The following IFIH1 variants were observed in gnomAD, a reference collection of about 807,000 sequenced individuals.
IFIH1 encodes the protein interferon-induced helicase C domain-containing protein 1.
IFIH1 carries 125 observed loss-of-function variants against 107.4 expected under a neutral mutation model. The ratio of observed to expected loss-of-function variants is 1.16; its 90% confidence interval spans 1.01 to 1.35. The LOEUF (loss-of-function observed/expected upper bound fraction) is 1.35, where lower values mean the gene tolerates loss of function less well. IFIH1 is among the 40% of genes most tolerant of loss of function. IFIH1 has a pLI of 0.00. For missense variants in IFIH1, 1,333 were observed against 1,213.7 expected, an observed-to-expected ratio of 1.10 and a Z score of -1.46; for synonymous variants, 458 against 413.2, an observed-to-expected ratio of 1.11 and a Z score of -1.31.
chr2:162,293,010 T>C (rs1044712664), intron 4 of IFIH1, among the ~76,000 whole-genome samples: 1 of 151,866 alleles, frequency 6.6e-6, no homozygotes, highest in Non-Finnish European at 1.5e-5. Context: ...TGGTGGAATA[T>C]ACAACTGATA....
At position 162,306,823 on chromosome 2, in the gene IFIH1, G is replaced by A. The variant is rs1683289940; in HGVS notation, c.655C>T (p.Gln219Ter). 1 of 1,613,918 alleles carries A rather than the reference G, an allele frequency of 6.2e-7. No individual in the cohort carries two copies. The part of the protein sequence containing the change: ...IENLSQVDGP[Q>*]VEEQLLSTTV... ...GTTGAAAGAAGTTGCTCTTCCACTTGAGGACCATCAACTTGTGATAAATTC... is the reference window on the plus strand; with the variant it reads ...GTTGAAAGAAGTTGCTCTTCCACTTAAGGACCATCAACTTGTGATAAATTC... Residue 219 changes from glutamine (Q) to a stop codon, truncating the protein, a stop_gained, in exon 3 of 16, where the codon CAA becomes TAA. Transcript: ENST00000649979. LOFTEE classifies it high-confidence loss of function.
At chr2:162,275,376 A>G (rs569096732) in intron 11 of IFIH1, among the ~76,000 whole-genome samples, 56 of 152,278 alleles carry the variant, frequency 3.7e-4, no homozygotes, top group Non-Finnish European at 7.5e-4. Context: ...TAAAAACAGA[A>G]CTCATAAGAA....
At chr2:162,305,138 C>G (rs936489886) in intron 3 of IFIH1, among the ~76,000 whole-genome samples, 3 of 152,122 alleles carry the variant, frequency 2.0e-5, no homozygotes, top group African/African-American at 7.2e-5. Context: ...TATACACATT[C>G]AGGTATGTAA....
In IFIH1 at chr2:162,288,255, G is replaced by A. The variant is rs2105209011; in HGVS notation, c.975C>T (p.Ile325=). 7 of 1,612,742 alleles carry A rather than the reference G, an allele frequency of 4.3e-6. No homozygotes were observed. The highest frequency in any genetic ancestry group is 4.0e-5 in the African/African-American group (3 of 74,906). ...VAQPALEGKN[I]IICLPTGSGK... ...CACTCCCTGTAGGGAGGCAGATGAT[G>A]ATATTCTTCCCTTCCAAGGCTGGCT... is the stretch of plus-strand genomic sequence containing the variant. Residue 325 remains isoleucine, a synonymous_variant, in exon 5 of 16, where the codon ATC becomes ATT. Transcript: ENST00000649979.
chr2:162,275,361 AAATTTAAAAACAGAACTCATAAG>A (rs1691131549), intron 11 of IFIH1, among the ~76,000 whole-genome samples: 2 of 152,180 alleles, frequency 1.3e-5, no homozygotes, highest in Non-Finnish European at 2.9e-5. Context: ...AATATAATAG[AAATTTAAAAACAGAACTCATAAG>A]AATCAACACA....
At chr2:162,297,721 T>A (rs1683118265) in intron 3 of IFIH1, among the ~76,000 whole-genome samples, 1 of 152,082 alleles carries the variant, frequency 6.6e-6, no homozygotes, top group African/African-American at 2.4e-5. Context: ...ATTGAACTGT[T>A]AAAGAAAAGC....
In IFIH1 at chr2:162,277,496, C is replaced by T; in HGVS notation, c.1963G>A (p.Asp655Asn). The change falls in exon 10 of 16, where the codon GAT (aspartate) becomes AAT (asparagine). Residue 655 changes from aspartate to asparagine, a missense_variant. By Grantham distance (23) the Asp-to-Asn change is conservative. Transcript: ENST00000649979. ...SDEGGDDEYC[D>N]GDEDEDDLKK... is the part of the protein sequence containing the mutation. ...AAATCATCCTCATCTTCATCACCAT[C>T]ACAATACTCATCATCACCACCCTCA... The T allele has an allele frequency of 1.3e-6, 2 of 1,590,014 alleles. No homozygotes were observed. Among genetic ancestry groups the T allele is most frequent in the Non-Finnish European group, 1.7e-6 (2 of 1,158,672 alleles).
rs774768455 is a variant in IFIH1, at chr2:162,281,381, G to A, written c.1471C>T (p.Pro491Ser). ...LPQILGLTAS[P>S]GVGGATKQAK... ...TGCTTCGTGGCCCCTCCAACACCAG[G>A]TGAAGCTGTTAGTCCCAGTATCTGA... is the stretch of plus-strand genomic sequence containing the variant. The change falls in exon 7 of 16, where the codon CCT becomes TCT. Residue 491 changes from proline (P) to serine (S), a missense_variant. Coordinates refer to ENST00000649979, the MANE Select transcript of IFIH1 (RefSeq NM_022168.4). 1 of 1,612,774 alleles carries A rather than the reference G, an allele frequency of 6.2e-7. No individual in the cohort carries two copies. The highest frequency in any genetic ancestry group is 8.5e-7 in the Non-Finnish European group (1 of 1,179,172).
intron 14 of IFIH1, 111 bp downstream of exon 14, chr2:162,267,976 G>A (rs1690958167): frequency 1.2e-5 from 8 of 682,236 alleles, no homozygotes; most frequent in South Asian, 1.0e-4. Context: ...CTAAAGGAGA[G>A]GAAGTTGTAA....
Position 162,268,192 on chromosome 2 carries a change from G to C in IFIH1, c.2702C>G (p.Ser901Ter). The change falls in exon 14 of 16, where the codon TCA (serine) becomes TGA (stop). Residue 901 changes from serine (S) to a stop codon, truncating the protein, a stop_gained. Transcript: ENST00000649979. LOFTEE classifies it high-confidence loss of function. ...NIAKHYKNNPSLITFLCKNCS... is the reference protein window; with the variant it reads ...NIAKHYKNNP The stretch of plus-strand genomic sequence containing the variant: ...GTTTTTGCAAAGGAAAGTTATTAGT[G>C]ATGGGTTATTCTTGTAATGCTTGGC... 1.2e-6 allele frequency: 2 copies of C among 1,612,438 alleles called. No homozygotes were observed. The highest frequency in any genetic ancestry group is 1.1e-5 in the South Asian group (1 of 91,032).
In IFIH1 at chr2:162,281,397, C is replaced by G. The variant is rs1431960716; in HGVS notation, c.1455G>C (p.Leu485=). Residue 485 remains leucine (L), a synonymous_variant, in exon 7 of 16, where the codon CTG becomes CTC. Coordinates refer to ENST00000649979, the MANE Select transcript of IFIH1 (RefSeq NM_022168.4). ...CAACACCAGGTGAAGCTGTTAGTCC[C>G]AGTATCTGAGGAAGGGGAATCACTG... is the stretch of plus-strand genomic sequence containing the variant. ...NKPVIPLPQI[L]GLTASPGVGG... 6.2e-7 allele frequency: 1 copy of G among 1,612,740 alleles called. No individual in the cohort carries two copies. Among genetic ancestry groups the G allele is most frequent in the Non-Finnish European group, 8.5e-7 (1 of 1,179,214 alleles).
rs749742602 is a variant in IFIH1, at chr2:162,288,119, T to C, written c.1095+16A>G. On this transcript the variant is annotated intron_variant, in intron 5 of 15. Coordinates refer to ENST00000649979, the MANE Select transcript of IFIH1 (RefSeq NM_022168.4). The stretch of plus-strand genomic sequence containing the variant: ...CAATGAAAATGATCAACTAGTGTTA[T>C]GTGTTCTTTGAATACCTTATTGACA... 11 of 1,506,056 alleles carry C rather than the reference T, an allele frequency of 7.3e-6. No homozygotes were observed. The highest frequency in any genetic ancestry group is 1.0e-5 in the Non-Finnish European group (11 of 1,084,394). 93.3% of individuals were successfully genotyped at this position (1,506,056 alleles called of 1,614,324 possible).
chr2:162,267,384 A>G lies in IFIH1; in HGVS notation c.2899-5T>C, dbSNP rs1690944892. ...CACCATCATTGTTCCCCAAGCCTGGAAAACAAAAGAGAGAGCAAGAGGAAA... is the reference window on the plus strand; with the variant it reads ...CACCATCATTGTTCCCCAAGCCTGGGAAACAAAAGAGAGAGCAAGAGGAAA... On this transcript the variant is annotated splice_region_variant and splice_polypyrimidine_tract_variant and intron_variant, in intron 15 of 15. Transcript: ENST00000649979. 1 of 1,613,922 alleles carries G rather than the reference A, an allele frequency of 6.2e-7. No homozygotes were observed. Among genetic ancestry groups the G allele is most frequent in the Non-Finnish European group, 8.5e-7 (1 of 1,179,946 alleles).
chr2:162,308,591 T>C (rs945449906), intron 2 of IFIH1, among the ~76,000 whole-genome samples: 1 of 152,116 alleles, frequency 6.6e-6, no homozygotes, highest in Non-Finnish European at 1.5e-5. Flanking sequence ...TTGGCCAGGC[T>C]GGTCTCAAAC....
At chr2:162,286,544 AAACT>A (rs972390978) in intron 5 of IFIH1, among the ~76,000 whole-genome samples, 7 of 151,928 alleles carry the variant, frequency 4.6e-5, no homozygotes, top group Non-Finnish European at 1.0e-4. Flanking sequence ...AGATGAATTA[AAACT>A]AACTCCTAGG....
chr2:162,270,591 T>C (rs1383727559), intron 13 of IFIH1, among the ~76,000 whole-genome samples: 1 of 152,096 alleles, frequency 6.6e-6, no homozygotes, highest in East Asian at 1.9e-4. Flanking sequence ...AAAAATATAG[T>C]CCATTCTGGG....
At position 162,273,832 on chromosome 2, in the gene IFIH1, C is replaced by T. The variant is rs562743627; in HGVS notation, c.2417G>A (p.Arg806His). The change falls in exon 12 of 16, where the codon CGT (arginine) becomes CAT (histidine). Residue 806 changes from arginine (R) to histidine (H), a missense_variant. Transcript: ENST00000649979. ...LDIKECNIVI[R>H]YGLVTNEIAM... Reference sequence around the variant, plus strand: ...TATTTCATTGGTGACGAGACCATAACGGATAACAATGTTACATTCTTTAAT... The same window carrying T: ...TATTTCATTGGTGACGAGACCATAATGGATAACAATGTTACATTCTTTAAT... The T allele has an allele frequency of 2.9e-5, 47 of 1,607,334 alleles. No individual in the cohort carries two copies. The highest frequency in any genetic ancestry group is 3.7e-5 in the Non-Finnish European group (43 of 1,176,498).
chr2:162,288,929 AC>A (rs1450348558), intron 4 of IFIH1, among the ~76,000 whole-genome samples: 1 of 150,662 alleles, frequency 6.6e-6, no homozygotes, highest in African/African-American at 2.4e-5. Context: ...ACACACACAC[AC>A]ACACACACAC....
intron 3 of IFIH1, among the ~76,000 whole-genome samples, chr2:162,297,143 TACACACAAACAC>T (rs1683104902): frequency 6.6e-6 from 1 of 152,100 alleles, no homozygotes; most frequent in Non-Finnish European, 1.5e-5. Flanking sequence ...AAAACCGTAT[TACACACAAACAC>T]ACACACACTC....
Sources: gnomAD v4.1 joint callset for allele counts (sites outside exome capture counted in the v4.1 genomes callset) on GRCh38, gnomAD v4.1.1 for gene constraint, MANE v1.5 for transcripts, NCBI Gene and HGNC (gene_info 2026-07-23, HGNC 2026-07-21) for gene names.